EXTL3: variants seen among roughly 807,000 people sequenced by gnomAD.
The protein encoded by EXTL3 is exostosin like glycosyltransferase 3, also known as exostosin-like 3.
In EXTL3, 27 loss-of-function variants were observed where a neutral mutation model predicts 69.3. The ratio of observed to expected loss-of-function variants is 0.39; its 90% confidence interval spans 0.29 to 0.54. The LOEUF (loss-of-function observed/expected upper bound fraction) is 0.54. Among genes scored for constraint, EXTL3 ranks in the 20% least tolerant of loss-of-function variants. EXTL3 has a pLI of 0.69. For synonymous variants in EXTL3, 511 were observed against 499.4 expected (o/e 1.02, Z -0.31); for missense variants, 1,003 against 1,231.8 (o/e 0.81, Z 2.78).
In EXTL3 at chr8:28,623,148, C is replaced by T. The variant is rs1276103166; in HGVS notation, c.-53+338C>T. ...GTGAGAACTGGGAGAGTGTGGCTGT[C>T]GGCAGGGGTCCGTATCACACTGTGG... On this transcript the variant is annotated intron_variant, in intron 1 of 6. Coordinates refer to the EXTL3 transcript ENST00000523149. This position sits in a 1 kb window ranked among gnomAD's most constrained non-coding sequence, Gnocchi z 4.2. Among the ~76,000 whole-genome samples the T allele has an allele frequency of 6.6e-6, 1 of 151,976 alleles. No individual in the cohort carries two copies.
intron 6 of EXTL3, among the ~76,000 whole-genome samples, chr8:28,749,655 ATTCATTC>A (rs1801963728): frequency 6.6e-6 from 1 of 151,154 alleles, no homozygotes; most frequent in African/African-American, 2.4e-5. Flanking sequence ...TCATTCATTC[ATTCATTC>A]ATTATTCATT....
chr8:28,673,553 T>G (rs906577856), intron 1 of EXTL3, among the ~76,000 whole-genome samples: 2 of 152,176 alleles, frequency 1.3e-5, no homozygotes, highest in African/African-American at 2.4e-5. Flanking sequence ...CAGACTTAAT[T>G]ATACCATGAG....
upstream of EXTL3, among the ~76,000 whole-genome samples, chr8:28,618,673 A>G (rs1806360485): frequency 6.6e-6 from 1 of 152,144 alleles, no homozygotes; most frequent in South Asian, 2.1e-4. Context: ...TTATGGCCTG[A>G]GAACAGTGGT....
intron 1 of EXTL3, among the ~76,000 whole-genome samples, chr8:28,663,478 T>C (rs1160334633): frequency 2.6e-5 from 4 of 152,218 alleles, no homozygotes; most frequent in Non-Finnish European, 4.4e-5. Flanking sequence ...TTTGTGATGG[T>C]GTCTCGCTGT....
At position 28,692,689 on chromosome 8, in the gene EXTL3, A is replaced by G. The variant is rs114658071; in HGVS notation, c.-52-20768A>G. Among the ~76,000 whole-genome samples the G allele has an allele frequency of 3.1e-3, 465 of 152,322 alleles. 3 individuals carry two copies. The highest frequency in any genetic ancestry group is 0.011 in the African/African-American group (450 of 41,572). On this transcript the variant is annotated intron_variant, in intron 1 of 6. Coordinates refer to the EXTL3 transcript ENST00000523149. ...AAGAATCTAATTGATGTTCTTTAAG[A>G]ACCTCTATGAATTCTGCCAGTTTTC...
chr8:28,714,136 C>T (rs986826707), intron 2 of EXTL3, among the ~76,000 whole-genome samples: 2 of 151,986 alleles, frequency 1.3e-5, no homozygotes. Flanking sequence ...AAACTCCTGA[C>T]CTCAGGAGAT....
chr8:28,727,911 A>G (rs1563219514), intron 3 of EXTL3, among the ~76,000 whole-genome samples: 1 of 152,160 alleles, frequency 6.6e-6, no homozygotes. Flanking sequence ...GCTCCTTGCT[A>G]TATTCCTGGT....
chr8:28,634,357 C>T (rs958226078), intron 1 of EXTL3, among the ~76,000 whole-genome samples: 3 of 152,098 alleles, frequency 2.0e-5, no homozygotes, highest in Non-Finnish European at 4.4e-5. Context: ...CCCTCCTGAT[C>T]GCTCCCTACC....
At chr8:28,634,530 C>T (rs2130569103) in intron 1 of EXTL3, among the ~76,000 whole-genome samples, 1 of 152,256 alleles carries the variant, frequency 6.6e-6, no homozygotes, top group Middle Eastern at 3.4e-3. Context: ...GTGCCACCTC[C>T]TCTTCCGGGA....
chr8:28,646,618 G>T (rs1175023107), intron 1 of EXTL3, among the ~76,000 whole-genome samples: 1 of 152,178 alleles, frequency 6.6e-6, no homozygotes, highest in African/African-American at 2.4e-5. Context: ...GTAACTTCCA[G>T]TGTAACTGCT....
At chr8:28,723,232 C>T (rs1331023387) in intron 3 of EXTL3, among the ~76,000 whole-genome samples, 1 of 152,192 alleles carries the variant, frequency 6.6e-6, no homozygotes, top group African/African-American at 2.4e-5. Context: ...TGTCCAGCTT[C>T]TCCAGGTCCA....
intron 1 of EXTL3, among the ~76,000 whole-genome samples, chr8:28,702,080 G>C (rs1015126059): frequency 6.6e-6 from 1 of 152,222 alleles, no homozygotes; most frequent in Non-Finnish European, 1.5e-5. Flanking sequence ...TTCTCTGGCT[G>C]CTGGCCCGGA....
chr8:28,694,562 C>T (rs1376914448), intron 1 of EXTL3, among the ~76,000 whole-genome samples: 1 of 152,206 alleles, frequency 6.6e-6, no homozygotes, highest in Admixed American at 6.5e-5. Context: ...CCTGGCACCA[C>T]CACTTACTAG....
chr8:28,633,679 T>C (rs1450902433), intron 1 of EXTL3, among the ~76,000 whole-genome samples: 1 of 152,066 alleles, frequency 6.6e-6, no homozygotes, highest in African/African-American at 2.4e-5. Flanking sequence ...TAATATAAAT[T>C]TAAATTTCAG....
chr8:28,675,571 A>G (rs1807368043), intron 1 of EXTL3, among the ~76,000 whole-genome samples: 1 of 152,218 alleles, frequency 6.6e-6, no homozygotes, highest in African/African-American at 2.4e-5. Flanking sequence ...TCTTCTTACT[A>G]CCCTACTACC....
At chr8:28,712,691 A>G (rs1350005248) in intron 1 of EXTL3, among the ~76,000 whole-genome samples, 1 of 152,172 alleles carries the variant, frequency 6.6e-6, no homozygotes, top group African/African-American at 2.4e-5. Flanking sequence ...ATGCTATTGG[A>G]CATGGATGAT....
At chr8:28,675,065 T>A (rs1807357594) in intron 1 of EXTL3, among the ~76,000 whole-genome samples, 1 of 152,164 alleles carries the variant, frequency 6.6e-6, no homozygotes, top group Non-Finnish European at 1.5e-5. Flanking sequence ...CTTGACTTTT[T>A]AAATTTCTAC....
At chr8:28,670,522 G>A (rs1807269625) in intron 1 of EXTL3, among the ~76,000 whole-genome samples, 1 of 152,188 alleles carries the variant, frequency 6.6e-6, no homozygotes, top group Non-Finnish European at 1.5e-5. Context: ...GACTCAAGAA[G>A]AGCTGATGTG....
At chr8:28,619,309 A>C (rs992227666), upstream of EXTL3, among the ~76,000 whole-genome samples, 3 of 114,194 alleles carry the variant, frequency 2.6e-5, no homozygotes, top group Non-Finnish European at 5.2e-5. Flanking sequence ...AAAAAAAAAA[A>C]AAAAAACCCT....
Sources: allele counts gnomAD v4.1 joint callset (sites outside exome capture counted in the v4.1 genomes callset), GRCh38; gene constraint gnomAD v4.1.1; non-coding constraint Gnocchi (gnomAD v3.1); transcripts MANE v1.5; gene names NCBI Gene and HGNC (gene_info 2026-07-23, HGNC 2026-07-21).